The following SNX29 variants were observed in gnomAD, a reference collection of about 807,000 sequenced individuals.
The protein encoded by SNX29 is sorting nexin-29.
In SNX29, 78 loss-of-function variants were observed where a neutral mutation model predicts 102.1. That is an observed-to-expected ratio of 0.76 (90% confidence interval 0.64 to 0.92). SNX29 has a LOEUF of 0.92. Ranked by LOEUF, SNX29 falls within the 40% of genes least tolerant of loss-of-function variation. The pLI is 0.00. For synonymous variants in SNX29, 580 were observed against 414.5 expected (o/e 1.40, Z -4.85); for missense variants, 1,280 against 1,061.7 (o/e 1.21, Z -2.86).
intron 4 of SNX29, among the ~76,000 whole-genome samples, chr16:12,040,586 G>A (rs1463208544): frequency 6.6e-6 from 1 of 152,052 alleles, no homozygotes; most frequent in African/African-American, 2.4e-5. Flanking sequence ...TAAGGAACTA[G>A]GAATGAGGAC....
intron 16 of SNX29, chr16:12,373,663 C>T (rs2082770027): frequency 6.6e-6 from 1 of 152,112 alleles, no homozygotes; most frequent in African/African-American, 2.4e-5. Context: ...ATGGCTGTGT[C>T]CCCAGCACCT....
intron 19 of SNX29, among the ~76,000 whole-genome samples, chr16:12,503,298 A>G (rs1250479096): frequency 6.6e-6 from 1 of 152,206 alleles, no homozygotes; most frequent in Non-Finnish European, 1.5e-5. Context: ...TGTGGAGAGA[A>G]TAACATAGCT....
chr16:12,389,173 C>G (rs1472926908), intron 16 of SNX29, among the ~76,000 whole-genome samples: 2 of 152,162 alleles, frequency 1.3e-5, no homozygotes, highest in Non-Finnish European at 1.5e-5. Flanking sequence ...GGACAGCTGC[C>G]TTTCTTTGGC....
At chr16:12,066,231 A>C (rs1409346820) in intron 9 of SNX29, among the ~76,000 whole-genome samples, 1 of 152,216 alleles carries the variant, frequency 6.6e-6, no homozygotes, top group Non-Finnish European at 1.5e-5. Flanking sequence ...CAAGGATGAC[A>C]GGGAACTGGG....
intron 20 of SNX29, among the ~76,000 whole-genome samples, chr16:12,529,624 C>G (rs1000656923): frequency 6.6e-6 from 1 of 152,174 alleles, no homozygotes; most frequent in Non-Finnish European, 1.5e-5. Context: ...GGTCACAGCA[C>G]AAATTCCCAA....
At chr16:12,345,987 G>C (rs908234553) in intron 15 of SNX29, among the ~76,000 whole-genome samples, 2 of 152,070 alleles carry the variant, frequency 1.3e-5, no homozygotes, top group Admixed American at 1.3e-4. Flanking sequence ...ACCAACCCAA[G>C]CCAGTCCCAC....
At chr16:12,290,374 G>T (rs2079753772) in intron 15 of SNX29, among the ~76,000 whole-genome samples, 1 of 152,084 alleles carries the variant, frequency 6.6e-6, no homozygotes, top group South Asian at 2.1e-4. Flanking sequence ...TTCGCTGGCT[G>T]ACTTCTGATC....
At chr16:12,461,724 A>G (rs937181384) in intron 18 of SNX29, among the ~76,000 whole-genome samples, 2 of 151,752 alleles carry the variant, frequency 1.3e-5, no homozygotes, top group African/African-American at 4.8e-5. Flanking sequence ...TGGGAGGCTA[A>G]GGCGAGCAGA....
intron 20 of SNX29, among the ~76,000 whole-genome samples, chr16:12,552,404 G>A (rs948554993): frequency 1.1e-4 from 16 of 152,214 alleles, no homozygotes; most frequent in Non-Finnish European, 2.9e-5. Context: ...GCAGAGCAGT[G>A]GTGAGGACGT....
chr16:12,540,357 TATTA>T (rs1481854652), intron 20 of SNX29, among the ~76,000 whole-genome samples: 5 of 152,216 alleles, frequency 3.3e-5, no homozygotes, highest in Non-Finnish European at 5.9e-5. Context: ...TTATCCCCTG[TATTA>T]ATTTCTTATT....
At chr16:12,537,061 G>C (rs1056351734) in intron 20 of SNX29, among the ~76,000 whole-genome samples, 2 of 152,328 alleles carry the variant, frequency 1.3e-5, no homozygotes, top group South Asian at 2.1e-4. Context: ...GCATATTTAG[G>C]AGACGATGTA....
intron 18 of SNX29, among the ~76,000 whole-genome samples, chr16:12,437,095 C>T (rs2085572352): frequency 6.6e-6 from 1 of 152,236 alleles, no homozygotes; most frequent in African/African-American, 2.4e-5. Flanking sequence ...GAATGAGAGA[C>T]AGAGAAAGCA....
intron 13 of SNX29, among the ~76,000 whole-genome samples, chr16:12,190,097 A>C (rs2076605129): frequency 6.6e-6 from 1 of 152,168 alleles, no homozygotes; most frequent in Admixed American, 6.5e-5. Flanking sequence ...TGGGAATAGA[A>C]AGTCAGGGTT....
At chr16:12,147,818 A>G (rs1159625405) in intron 13 of SNX29, among the ~76,000 whole-genome samples, 1 of 152,248 alleles carries the variant, frequency 6.6e-6, no homozygotes, top group Non-Finnish European at 1.5e-5. Flanking sequence ...GGTCTTAAAT[A>G]TAGCCAGGAT....
chr16:12,018,650 G>C (rs2056922201), intron 3 of SNX29, among the ~76,000 whole-genome samples: 1 of 151,038 alleles, frequency 6.6e-6, no homozygotes, highest in Admixed American at 6.6e-5. Context: ...CTCTCCTCTA[G>C]TTTTGTCTAC....
At chr16:12,558,835 C>T (rs930900973) in intron 20 of SNX29, among the ~76,000 whole-genome samples, 4 of 152,192 alleles carry the variant, frequency 2.6e-5, no homozygotes, top group African/African-American at 7.2e-5. Flanking sequence ...GCCACAGTCA[C>T]CAAGAGCCAC....
intron 20 of SNX29, among the ~76,000 whole-genome samples, chr16:12,562,895 G>C (rs1349286757): frequency 6.6e-6 from 1 of 152,086 alleles, no homozygotes; most frequent in African/African-American, 2.4e-5. Flanking sequence ...TTGGGAATTT[G>C]ACGATGTGCT....
intron 11 of SNX29, among the ~76,000 whole-genome samples, chr16:12,100,894 G>C (rs1360896074): frequency 6.6e-6 from 1 of 152,140 alleles, no homozygotes; most frequent in East Asian, 1.9e-4. Context: ...GTAGGCAGCA[G>C]ATGCTGGCCA....
chr16:12,361,717 A>G (rs1814867431), intron 16 of SNX29, among the ~76,000 whole-genome samples: 1 of 152,162 alleles, frequency 6.6e-6, no homozygotes, highest in Admixed American at 6.5e-5. Context: ...ATATTATACA[A>G]TATGATATAC....
Sources: allele counts gnomAD v4.1 joint callset (sites outside exome capture counted in the v4.1 genomes callset), GRCh38; gene constraint gnomAD v4.1.1; transcripts MANE v1.5; gene names NCBI Gene and HGNC (gene_info 2026-07-23, HGNC 2026-07-21).